Variants in PRKG1 observed in about 807,000 individuals in gnomAD.
PRKG1 encodes the protein cGMP-dependent protein kinase 1.
A neutral mutation model predicts 88.1 loss-of-function variants in PRKG1; 35 were observed. The observed-to-expected ratio is 0.40, with a 90% CI of 0.30 to 0.53. The LOEUF is 0.53. Among genes scored for constraint, PRKG1 ranks in the 20% least tolerant of loss-of-function variants. PRKG1 has a pLI of 0.59. For missense variants in PRKG1, 540 were observed against 839.8 expected (o/e 0.64, Z 4.41); for synonymous variants, 303 against 292.5 (o/e 1.04, Z -0.37).
At chr10:52,270,068 T>A (rs955192881) in intron 10 of PRKG1, among the ~76,000 whole-genome samples, 1 of 152,112 alleles carries the variant, frequency 6.6e-6, no homozygotes, top group Non-Finnish European at 1.5e-5. Flanking sequence ...AAAATCTTGT[T>A]ACAATTTTTT....
chr10:51,815,317 A>G (rs557715061), intron 4 of PRKG1, among the ~76,000 whole-genome samples: 3 of 152,308 alleles, frequency 2.0e-5, no homozygotes, highest in South Asian at 4.1e-4. Flanking sequence ...TACACAGAGG[A>G]TTAGTGCATC....
intron 1 of PRKG1, among the ~76,000 whole-genome samples, chr10:51,127,012 G>C (rs528142939): frequency 6.6e-6 from 1 of 152,108 alleles, no homozygotes; most frequent in Non-Finnish European, 1.5e-5. Context: ...ATGCACCCTA[G>C]AAGAAAACCT....
intron 4 of PRKG1, among the ~76,000 whole-genome samples, chr10:51,856,655 T>C (rs1320153591): frequency 6.6e-6 from 1 of 152,134 alleles, no homozygotes; most frequent in African/African-American, 2.4e-5. Context: ...CTTAGAGCAA[T>C]GTTTGCCACA....
At chr10:51,259,818 G>A (rs1044833834) in intron 2 of PRKG1, among the ~76,000 whole-genome samples, 9 of 152,006 alleles carry the variant, frequency 5.9e-5, no homozygotes, top group Admixed American at 5.9e-4. Context: ...AAGCTGAGAT[G>A]TGAATTATAG....
At chr10:51,939,625 AT>A (rs1369166533) in intron 5 of PRKG1, among the ~76,000 whole-genome samples, 10 of 151,364 alleles carry the variant, frequency 6.6e-5, no homozygotes, top group Admixed American at 6.6e-4. Context: ...AAACACCACT[AT>A]CTTGGTCATG....
chr10:52,040,557 G>A (rs1403935674), intron 5 of PRKG1, among the ~76,000 whole-genome samples: 1 of 152,156 alleles, frequency 6.6e-6, no homozygotes, highest in Non-Finnish European at 1.5e-5. Flanking sequence ...TTGTGGGCCT[G>A]CTTTGATATT....
intron 3 of PRKG1, among the ~76,000 whole-genome samples, chr10:51,524,539 A>AT (rs1841828208): frequency 1.3e-5 from 2 of 152,220 alleles, no homozygotes; most frequent in South Asian, 4.1e-4. Flanking sequence ...TATTCTTTTG[A>AT]TTTTTTTCAG....
chr10:51,361,644 C>T (rs1842483373), intron 2 of PRKG1, among the ~76,000 whole-genome samples: 1 of 151,738 alleles, frequency 6.6e-6, no homozygotes, highest in Non-Finnish European at 1.5e-5. Flanking sequence ...CTATCTCATG[C>T]ATGATAATGA....
intron 4 of PRKG1, among the ~76,000 whole-genome samples, chr10:51,888,627 A>C (rs1841633532): frequency 6.6e-6 from 1 of 152,186 alleles, no homozygotes; most frequent in Non-Finnish European, 1.5e-5. Flanking sequence ...GTTGCTAATT[A>C]AGCAATCTAA....
intron 2 of PRKG1, among the ~76,000 whole-genome samples, chr10:51,156,297 G>GCACACACA (rs755618670): frequency 2.8e-5 from 1 of 35,134 alleles, no homozygotes; most frequent in Non-Finnish European, 5.5e-5. Flanking sequence ...TTTGATGCAA[G>GCACACACA]CACACACACA....
At chr10:51,298,872 A>G (rs1409444009) in intron 2 of PRKG1, among the ~76,000 whole-genome samples, 1 of 152,226 alleles carries the variant, frequency 6.6e-6, no homozygotes, top group Admixed American at 6.5e-5. Flanking sequence ...GGCATGCAAC[A>G]AAAGGTTGGA....
At chr10:51,602,602 A>T (rs1373125151) in intron 3 of PRKG1, among the ~76,000 whole-genome samples, 1 of 151,552 alleles carries the variant, frequency 6.6e-6, no homozygotes, top group Non-Finnish European at 1.5e-5. Context: ...TTTTGTAAAG[A>T]CAGGGTCTAC....
intron 3 of PRKG1, among the ~76,000 whole-genome samples, chr10:51,563,609 G>A (rs116937460): frequency 0.02 from 2,900 of 148,634 alleles, 46 homozygotes; most frequent in Non-Finnish European, 0.033. Context: ...GCAACAGAAC[G>A]TTTGTCGACT....
intron 1 of PRKG1, among the ~76,000 whole-genome samples, chr10:51,128,491 C>T (rs1286953253): frequency 6.6e-6 from 1 of 152,104 alleles, no homozygotes; most frequent in East Asian, 1.9e-4. Context: ...CTTTGAAAAA[C>T]TAATGTTGTG....
chr10:51,634,971 A>C lies in PRKG1; in HGVS notation c.592+167135A>C, dbSNP rs535829613. On this transcript the variant is annotated intron_variant, in intron 3 of 17. Coordinates refer to ENST00000373980, the MANE Select transcript of PRKG1 (RefSeq NM_006258.4). ...GTGGGTGGGAGGAAGCTAAGGATTG[A>C]AAAACAACCTGTTAGGTACTATGCT... Among the ~76,000 whole-genome samples the C allele has an allele frequency of 7.0e-4, 106 of 152,242 alleles. 2 individuals carry two copies. The South Asian group carries it at 0.021, about 30-fold the overall frequency.
rs555436390 is a variant in PRKG1 at position 51,846,683 on chromosome 10, G to A, written c.698+41993G>A. On this transcript the variant is annotated intron_variant, in intron 4 of 17. Transcript: ENST00000373980. ...ATGAATGTTAGAAAATGTCAATGCC[G>A]GTGCCCACTCTCAGCAGAGATATCC... Among the ~76,000 whole-genome samples, 11 of 152,170 alleles carry A rather than the reference G, an allele frequency of 7.2e-5. No individual in the cohort carries two copies. In the South Asian group the frequency reaches 8.3e-4, roughly 11 times the overall value.
chr10:52,128,247 G>A lies in PRKG1; in HGVS notation c.936-5593G>A, dbSNP rs971414093. ...GAAGGCTGGCACTGAGAGAGTGCTG[G>A]GACTCTGTGGACAGCAGTCATGTTG... On this transcript the variant is annotated intron_variant, in intron 7 of 17. Coordinates refer to ENST00000373980, the MANE Select transcript of PRKG1 (RefSeq NM_006258.4). 5 of 985,276 alleles carry A rather than the reference G, an allele frequency of 5.1e-6. No individual in the cohort carries two copies. The African/African-American group carries it at 7.0e-5, about 14-fold the overall frequency. The allele number at this position is 985,276 out of a possible 1,614,324, so 61.0% of individuals were successfully genotyped here. A position where few individuals can be genotyped will look rare whatever the true frequency, so the allele number is the denominator to read the frequency against.
intron 1 of PRKG1, among the ~76,000 whole-genome samples, chr10:51,120,228 A>G (rs560647705): frequency 6.6e-6 from 1 of 152,148 alleles, no homozygotes; most frequent in East Asian, 1.9e-4. Context: ...CTAAGATTAC[A>G]ATTTTAATGG....
At chr10:51,908,725 C>CTATCTATCTATATATATATATATA (rs1299574623) in intron 5 of PRKG1, 8 of 60,578 alleles carry the variant, frequency 1.3e-4, no homozygotes, top group East Asian at 5.0e-4. Context: ...GTCTATCTAT[C>CTATCTATCTATATATATATATATA]TATATGTAAT....
Sources: allele counts gnomAD v4.1 joint callset (sites outside exome capture counted in the v4.1 genomes callset), GRCh38; gene constraint gnomAD v4.1.1; transcripts MANE v1.5; gene names NCBI Gene and HGNC (gene_info 2026-07-23, HGNC 2026-07-21).